Variants in CDKAL1 observed in about 807,000 individuals in gnomAD.
The protein encoded by CDKAL1 is CDKAL1 threonylcarbamoyladenosine tRNA methylthiotransferase.
CDKAL1 carries 32 observed loss-of-function variants against 68.2 expected under a neutral mutation model. The ratio of observed to expected loss-of-function variants is 0.47; its 90% CI spans 0.35 to 0.63. The LOEUF is 0.63. Among genes scored for constraint, CDKAL1 ranks in the 30% least tolerant of loss-of-function variants. The probability of loss-of-function intolerance (pLI) is 0.00; values close to 1 mark genes in which losing one functional copy is unlikely to be tolerated. For missense variants in CDKAL1, 606 were observed against 696.7 expected (o/e 0.87, Z 1.47); for synonymous variants, 234 against 244.3 (o/e 0.96, Z 0.39).
chr6:20,567,319 G>A (rs1191897662), intron 4 of CDKAL1, among the ~76,000 whole-genome samples: 1 of 151,808 alleles, frequency 6.6e-6, no homozygotes, highest in Non-Finnish European at 1.5e-5. Flanking sequence ...TGGAGTAGTT[G>A]TTATGATTAA....
At chr6:20,711,569 G>A (rs1044749071) in intron 5 of CDKAL1, among the ~76,000 whole-genome samples, 1 of 152,164 alleles carries the variant, frequency 6.6e-6, no homozygotes, top group Admixed American at 6.5e-5. Flanking sequence ...ACATTTTGAT[G>A]AAAGAAAGTT....
chr6:21,225,960 TATG>T (rs1167165749), intron 15 of CDKAL1, among the ~76,000 whole-genome samples: 1 of 152,206 alleles, frequency 6.6e-6, no homozygotes, highest in African/African-American at 2.4e-5. Flanking sequence ...ATAAAAACCC[TATG>T]ATGCACAAAT....
At chr6:20,642,899 A>AAAC (rs79933332) in intron 4 of CDKAL1, among the ~76,000 whole-genome samples, 2,506 of 150,394 alleles carry the variant, frequency 0.017, 39 homozygotes, top group African/African-American at 0.038. Flanking sequence ...ACTTTGTCTC[A>AAAC]AACAACAACA....
rs754008816 is a variant in CDKAL1, at chr6:20,799,040, G to GTTTTTTTTTTTTTTTTTTTTTTT, written c.638+17782_638+17804dup. On this transcript the variant is annotated intron_variant, in intron 8 of 15. Transcript: ENST00000274695. ...GGCCCATATATTTGAAAAGAACTGAGTTTTTTTTTTTTTTTTTTTTTTTTT... is the reference window on the plus strand; with the variant it reads ...GGCCCATATATTTGAAAAGAACTGAGTTTTTTTTTTTTTTTTTTTTTTTTTTTTTTTTTTTTTTTTTTTTTTTT... Among the ~76,000 whole-genome samples the GTTTTTTTTTTTTTTTTTTTTTTT allele has an allele frequency of 2.7e-4, 13 of 47,508 alleles. 3 individuals are homozygous for GTTTTTTTTTTTTTTTTTTTTTTT. The South Asian group carries it at 3.2e-3, about 12-fold the overall frequency. 31.2% of individuals were successfully genotyped at this position (47,508 alleles called of 152,430 possible).
chr6:21,148,147 T>C (rs1776265232), intron 13 of CDKAL1, among the ~76,000 whole-genome samples: 3 of 152,232 alleles, frequency 2.0e-5, no homozygotes, highest in African/African-American at 7.2e-5. Context: ...TTAACATGAC[T>C]GTAATTTCTG....
rs114508326 is a variant in CDKAL1 at position 20,746,765 on chromosome 6, C to A, written c.468+7150C>A. Among the ~76,000 whole-genome samples, 719 of 152,174 alleles carry A rather than the reference C, an allele frequency of 4.7e-3. 8 individuals are homozygous for A. Among genetic ancestry groups the A allele is most frequent in the African/African-American group, 0.017 (691 of 41,518 alleles). ...TTTTATTGTATATATTTAAGGTGTA[C>A]AATGTTTTTATATATACATAGTGAA... On this transcript the variant is annotated intron_variant, in intron 6 of 15. Coordinates refer to ENST00000274695, the MANE Select transcript of CDKAL1 (RefSeq NM_017774.3).
chr6:20,820,312 T>C (rs1181686483), intron 8 of CDKAL1, among the ~76,000 whole-genome samples: 1 of 152,154 alleles, frequency 6.6e-6, no homozygotes, highest in Non-Finnish European at 1.5e-5. Context: ...GCTCTAATGA[T>C]AGTAAACACT....
intron 8 of CDKAL1, 147 bp from the exon 9 acceptor site, chr6:20,845,928 T>G (rs560690012): frequency 2.9e-4 from 144 of 498,268 alleles, no homozygotes; most frequent in African/African-American, 1.4e-3. Flanking sequence ...CTCTGAGGCA[T>G]GGTAGATACT....
At chr6:20,664,657 T>TTTGATGTCA (rs1769442494) in intron 5 of CDKAL1, among the ~76,000 whole-genome samples, 1 of 152,194 alleles carries the variant, frequency 6.6e-6, no homozygotes, top group South Asian at 2.1e-4. Flanking sequence ...TAACAAAGGA[T>TTTGATGTCA]TTGATGTCAT....
intron 12 of CDKAL1, among the ~76,000 whole-genome samples, chr6:21,104,903 C>G (rs941674524): frequency 6.6e-6 from 1 of 152,220 alleles, no homozygotes; most frequent in South Asian, 2.1e-4. Flanking sequence ...TCTGAATATT[C>G]CTTTTCCACC....
intron 8 of CDKAL1, among the ~76,000 whole-genome samples, chr6:20,842,325 G>A (rs1242156958): frequency 6.6e-6 from 1 of 151,964 alleles, no homozygotes; most frequent in Non-Finnish European, 1.5e-5. Context: ...GCTTGAGTTG[G>A]TACTGTTATA....
At chr6:21,012,418 G>A (rs1372748686) in intron 11 of CDKAL1, among the ~76,000 whole-genome samples, 2 of 152,156 alleles carry the variant, frequency 1.3e-5, no homozygotes, top group Non-Finnish European at 2.9e-5. Flanking sequence ...TAGTTACCCT[G>A]TCCTCTTATA....
intron 11 of CDKAL1, among the ~76,000 whole-genome samples, chr6:21,003,539 C>T (rs927055668): frequency 3.3e-5 from 5 of 150,232 alleles, no homozygotes; most frequent in Middle Eastern, 3.4e-3. Flanking sequence ...GCACTCCAGC[C>T]TGGGTGACAG....
At position 20,645,097 on chromosome 6, in the gene CDKAL1, G is replaced by T. The variant is rs116689492; in HGVS notation, c.287-4196G>T. On this transcript the variant is annotated intron_variant, in intron 4 of 15. Coordinates refer to ENST00000274695, the MANE Select transcript of CDKAL1 (RefSeq NM_017774.3). The stretch of plus-strand genomic sequence containing the variant: ...TATGGTATGAAAAATTTAAAATGGT[G>T]CACCTGTCTAAGACACTTACTATGA... Among the ~76,000 whole-genome samples the T allele has an allele frequency of 3.6e-3, 548 of 152,182 alleles. 7 individuals carry two copies. Among genetic ancestry groups the T allele is most frequent in the African/African-American group, 0.012 (511 of 41,524 alleles).
chr6:20,584,919 T>G (rs1237839286), intron 4 of CDKAL1, among the ~76,000 whole-genome samples: 1 of 152,238 alleles, frequency 6.6e-6, no homozygotes, highest in African/African-American at 2.4e-5. Context: ...GTTACTTGTA[T>G]ACTCATCCTG....
At chr6:21,145,163 C>T (rs1776107362) in intron 13 of CDKAL1, among the ~76,000 whole-genome samples, 1 of 152,086 alleles carries the variant, frequency 6.6e-6, no homozygotes, top group African/African-American at 2.4e-5. Context: ...CAGGCAGTCA[C>T]GTTTTCCTTC....
chr6:20,560,600 T>A (rs1297069796), intron 4 of CDKAL1, among the ~76,000 whole-genome samples: 1 of 152,236 alleles, frequency 6.6e-6, no homozygotes, highest in Non-Finnish European at 1.5e-5. Flanking sequence ...CTTGTATAGC[T>A]TATTAATCTT....
At chr6:20,614,683 A>T (rs1235161864) in intron 4 of CDKAL1, among the ~76,000 whole-genome samples, 1 of 152,212 alleles carries the variant, frequency 6.6e-6, no homozygotes. Context: ...TTGCTGAAGA[A>T]TTTTAAAGCA....
chr6:20,940,840 C>T (rs1763933704), intron 9 of CDKAL1, among the ~76,000 whole-genome samples: 1 of 152,166 alleles, frequency 6.6e-6, no homozygotes, highest in Non-Finnish European at 1.5e-5. Context: ...CCTGTAATCC[C>T]AGCACTTTGA....
Sources: allele counts gnomAD v4.1 joint callset (sites outside exome capture counted in the v4.1 genomes callset), GRCh38; gene constraint gnomAD v4.1.1; transcripts MANE v1.5; gene names NCBI Gene and HGNC (gene_info 2026-07-23, HGNC 2026-07-21).